Variants in FAM184A observed in about 807,000 individuals in gnomAD.
The protein encoded by FAM184A is family with sequence similarity 184 member A, also known as protein FAM184A.
Under a neutral mutation model 143.8 loss-of-function variants are expected in FAM184A, and 99 were observed. The observed-to-expected ratio is 0.69, with a 90% CI of 0.58 to 0.81. The LOEUF (loss-of-function observed/expected upper bound fraction) is 0.81, where lower values mean the gene tolerates loss of function less well. Among genes scored for constraint, FAM184A ranks in the 40% least tolerant of loss-of-function variants. The probability of loss-of-function intolerance (pLI) is 0.00; values close to 1 mark genes in which losing one functional copy is unlikely to be tolerated. For synonymous variants in FAM184A, 427 were observed against 446.4 expected, an observed-to-expected ratio of 0.96 and a Z score of 0.55; for missense variants, 1,217 against 1,310.5, an observed-to-expected ratio of 0.93 and a Z score of 1.10.
intron 17 of FAM184A, chr6:118,960,776 G>C: frequency 1.5e-6 from 2 of 1,363,850 alleles, no homozygotes; most frequent in South Asian, 2.3e-5. Flanking sequence ...TACCGTCTTT[G>C]GGGAAAATTA....
intron 3 of FAM184A, 121 bp from the exon 4 acceptor site, chr6:119,020,280 A>C (rs1206118675): frequency 2.8e-6 from 2 of 713,774 alleles, no homozygotes; most frequent in African/African-American, 3.7e-5. Flanking sequence ...CTACATGTAC[A>C]AATTTTCCTT....
intron 14 of FAM184A, among the ~76,000 whole-genome samples, chr6:118,967,842 A>T (rs1308507238): frequency 1.3e-5 from 2 of 152,236 alleles, no homozygotes; most frequent in Admixed American, 6.5e-5. Context: ...TATGGTTAAT[A>T]AAGATTCTTA....
At chr6:118,984,799 T>C (rs929986656) in intron 9 of FAM184A, among the ~76,000 whole-genome samples, 10 of 152,204 alleles carry the variant, frequency 6.6e-5, no homozygotes, top group African/African-American at 2.4e-4. Flanking sequence ...TGGCTGTGTA[T>C]CAGAATCATC....
At chr6:118,983,375 A>C (rs566550352) in intron 9 of FAM184A, among the ~76,000 whole-genome samples, 2 of 152,262 alleles carry the variant, frequency 1.3e-5, no homozygotes, top group South Asian at 4.1e-4. Context: ...ACTTTAACTC[A>C]AAAGATAAAA....
At chr6:119,075,167 T>C (rs1056831743) in intron 1 of FAM184A, among the ~76,000 whole-genome samples, 2 of 152,192 alleles carry the variant, frequency 1.3e-5, no homozygotes, top group African/African-American at 4.8e-5. Flanking sequence ...CAATGCAGAA[T>C]AAATGTGAAA....
chr6:118,979,891 A>AG (rs1554265411), intron 10 of FAM184A, among the ~76,000 whole-genome samples: 1 of 151,582 alleles, frequency 6.6e-6, no homozygotes, highest in Non-Finnish European at 1.5e-5. Flanking sequence ...AAAAAAAAAA[A>AG]ATTAAAAAAT....
rs145165039 is a variant in FAM184A, at chr6:119,047,156, A to G, written c.160-22343T>C. Among the ~76,000 whole-genome samples the G allele has an allele frequency of 3.6e-3, 544 of 152,348 alleles. 2 individuals are homozygous for G. Among genetic ancestry groups the G allele is most frequent in the African/African-American group, 0.012 (509 of 41,572 alleles). On this transcript the variant is annotated intron_variant, in intron 1 of 17. Transcript: ENST00000338891. ...CTCAACATTATTGATTATCAGAGAA[A>G]TGCAAATCAAAACTACAATGAGATA...
At position 119,085,822 on chromosome 6, in the gene FAM184A, G is replaced by A. The variant is rs537846840; in HGVS notation, c.-201-61009C>T. On this transcript the variant is annotated intron_variant, in intron 1 of 16. Coordinates refer to the FAM184A transcript ENST00000352896. ...GCCTCAGGAAACTTGCAATCATGGA[G>A]GAGGGTGAAGGGGAAGCAAACACGT... Among the ~76,000 whole-genome samples, 7 of 152,312 alleles carry A rather than the reference G, an allele frequency of 4.6e-5. No individual in the cohort carries two copies. In the East Asian group the frequency reaches 1.4e-3, roughly 29 times the overall value.
At chr6:119,093,390 C>A (rs765677023) in intron 1 of FAM184A, among the ~76,000 whole-genome samples, 1 of 152,140 alleles carries the variant, frequency 6.6e-6, no homozygotes. Flanking sequence ...GGGATGTTAC[C>A]GTGAGTCACG....
intron 5 of FAM184A, among the ~76,000 whole-genome samples, chr6:119,014,626 C>G (rs1279574277): frequency 6.6e-6 from 1 of 152,152 alleles, no homozygotes; most frequent in Non-Finnish European, 1.5e-5. Flanking sequence ...AGAACAAAAA[C>G]AGTGTTTCTA....
chr6:119,041,295 G>A (rs1786318674), intron 1 of FAM184A, among the ~76,000 whole-genome samples: 1 of 152,182 alleles, frequency 6.6e-6, no homozygotes, highest in South Asian at 2.1e-4. Flanking sequence ...TGAGAGACAA[G>A]ACTAGCTGGA....
intron 1 of FAM184A, among the ~76,000 whole-genome samples, chr6:119,026,975 A>G (rs1785656960): frequency 6.6e-6 from 1 of 152,086 alleles, no homozygotes. Context: ...TTTACCATCT[A>G]TTCTCTCTGA....
At chr6:118,970,913 T>A (rs936139522) in intron 14 of FAM184A, among the ~76,000 whole-genome samples, 2 of 152,154 alleles carry the variant, frequency 1.3e-5, no homozygotes, top group Non-Finnish European at 2.9e-5. Context: ...TATACAAAGT[T>A]TCCAAGTTAT....
At chr6:119,006,217 A>G (rs899983208) in intron 7 of FAM184A, 1 of 763,104 alleles carries the variant, frequency 1.3e-6, no homozygotes, top group Middle Eastern at 2.3e-4. Flanking sequence ...GAGTTTAGGA[A>G]GGAACATAGC....
chr6:119,001,935 G>T (rs1784770688), intron 9 of FAM184A, among the ~76,000 whole-genome samples: 1 of 151,960 alleles, frequency 6.6e-6, no homozygotes, highest in African/African-American at 2.4e-5. Flanking sequence ...TTGTTCCCTT[G>T]TTCTTTTTTT....
intron 1 of FAM184A, among the ~76,000 whole-genome samples, chr6:119,038,308 T>C (rs978388464): frequency 3.3e-5 from 5 of 152,158 alleles, no homozygotes; most frequent in African/African-American, 2.4e-5. Context: ...AACTTCATCT[T>C]AAATAGGAGC....
At chr6:119,079,278 C>CA (rs1438411700), upstream of FAM184A, 1 of 152,218 alleles carries the variant, frequency 6.6e-6, no homozygotes, top group Non-Finnish European at 1.5e-5. Flanking sequence ...CGCTCCTTTT[C>CA]AGTCAGCTGG....
chr6:119,045,765 C>A (rs150997375), intron 1 of FAM184A, among the ~76,000 whole-genome samples: 488 of 152,202 alleles, frequency 3.2e-3, no homozygotes, highest in Non-Finnish European at 4.2e-3. Context: ...TCAATTCAGA[C>A]AAAATTTCTT....
chr6:119,093,224 G>T (rs1788421245), intron 1 of FAM184A, among the ~76,000 whole-genome samples: 1 of 152,098 alleles, frequency 6.6e-6, no homozygotes, highest in South Asian at 2.1e-4. Flanking sequence ...CAGGCGATTG[G>T]TCTCACATAA....
Sources: allele counts gnomAD v4.1 joint callset (sites outside exome capture counted in the v4.1 genomes callset), GRCh38; gene constraint gnomAD v4.1.1; transcripts MANE v1.5; gene names NCBI Gene and HGNC (gene_info 2026-07-23, HGNC 2026-07-21).